Variants in PKIG observed in about 807,000 individuals in gnomAD.
PKIG encodes the protein protein kinase (cAMP-dependent, catalytic) inhibitor gamma.
PKIG carries 1 observed loss-of-function variant against 6.8 expected under a neutral mutation model. That is an observed-to-expected ratio of 0.15 (90% CI 0.05 to 0.69). The LOEUF is 0.69. Among genes scored for constraint, PKIG ranks in the 30% least tolerant of loss-of-function variants. The probability of loss-of-function intolerance (pLI) is 0.82; values close to 1 mark genes in which losing one functional copy is unlikely to be tolerated. For synonymous variants in PKIG, 39 were observed against 43.0 expected (o/e 0.91, Z 0.36); for missense variants, 77 against 104.0 (o/e 0.74, Z 1.13).
intron 3 of PKIG, among the ~76,000 whole-genome samples, chr20:44,616,143 C>A (rs1274371698): frequency 6.6e-6 from 1 of 152,192 alleles, no homozygotes; most frequent in African/African-American, 2.4e-5. Flanking sequence ...TCTCCCCTCC[C>A]TCCCCTTGCC....
At chr20:44,542,298 T>C (rs538249671) in intron 1 of PKIG, among the ~76,000 whole-genome samples, 2 of 152,270 alleles carry the variant, frequency 1.3e-5, no homozygotes, top group African/African-American at 4.8e-5. Flanking sequence ...TTAATTGTTA[T>C]AAAGCTTGGC....
rs765324293 is a variant in PKIG at position 44,618,523 on chromosome 20, C to T, written c.*159C>T. 5.2e-5 allele frequency: 31 copies of T among 600,190 alleles called. No homozygotes were observed. Among genetic ancestry groups the T allele is most frequent in the Non-Finnish European group, 8.4e-5 (28 of 334,526 alleles). 37.2% of individuals were successfully genotyped at this position (600,190 alleles called of 1,614,324 possible). On this transcript the variant is annotated 3_prime_UTR_variant, in exon 4 of 4. Coordinates refer to ENST00000372886, the MANE Select transcript of PKIG (RefSeq NM_001281445.2). ...CCAGAGGCCTCTGTGGCCTCCACTC[C>T]GGGAAAGCCCTCTGCCCACACCCAC...
intron 1 of PKIG, among the ~76,000 whole-genome samples, chr20:44,588,839 T>C (rs1163934412): frequency 6.6e-6 from 1 of 152,226 alleles, no homozygotes; most frequent in Non-Finnish European, 1.5e-5. Context: ...TGTTTGAAAA[T>C]ATCTTTTGCC....
chr20:44,558,169 A>G (rs917208463), intron 1 of PKIG, among the ~76,000 whole-genome samples: 1 of 152,216 alleles, frequency 6.6e-6, no homozygotes, highest in Admixed American at 6.5e-5. Context: ...CTATTCTAAT[A>G]TACGGAGAGG....
chr20:44,616,482 G>A (rs1206910218), intron 3 of PKIG, among the ~76,000 whole-genome samples: 10 of 152,210 alleles, frequency 6.6e-5, no homozygotes, highest in Admixed American at 3.3e-4. Flanking sequence ...CTCACCCTCA[G>A]CTCTGGTGAG....
intron 2 of PKIG, among the ~76,000 whole-genome samples, chr20:44,604,395 C>T (rs916884385): frequency 3.3e-5 from 5 of 152,082 alleles, no homozygotes; most frequent in Non-Finnish European, 7.4e-5. Flanking sequence ...GTCTGCAGCT[C>T]AGCAATGAGG....
chr20:44,596,251 C>T (rs1413105619), intron 2 of PKIG, among the ~76,000 whole-genome samples: 2 of 152,224 alleles, frequency 1.3e-5, no homozygotes, highest in African/African-American at 4.8e-5. Context: ...TGAATTTCGA[C>T]TGAGTCATTA....
chr20:44,545,706 T>C (rs544317051), intron 1 of PKIG, among the ~76,000 whole-genome samples: 7 of 152,148 alleles, frequency 4.6e-5, no homozygotes, highest in Middle Eastern at 3.4e-3. Context: ...TCCTAGCTAC[T>C]TGGGAGGCTG....
intron 1 of PKIG, among the ~76,000 whole-genome samples, chr20:44,558,276 A>C (rs1461686597): frequency 6.6e-6 from 1 of 152,224 alleles, no homozygotes; most frequent in East Asian, 1.9e-4. Flanking sequence ...TTTTACATAC[A>C]TAGCTTCCTT....
intron 1 of PKIG, among the ~76,000 whole-genome samples, chr20:44,584,055 T>C (rs527742225): frequency 1.4e-4 from 21 of 152,328 alleles, no homozygotes; most frequent in African/African-American, 4.1e-4. Context: ...ATTGGCATTA[T>C]TGAGTATCTC....
At chr20:44,607,841 C>T (rs1041492853) in intron 2 of PKIG, among the ~76,000 whole-genome samples, 12 of 151,856 alleles carry the variant, frequency 7.9e-5, no homozygotes, top group African/African-American at 2.7e-4. Flanking sequence ...CCCACTACCA[C>T]GCCCAGCTAA....
chr20:44,604,139 C>T (rs2123439143), intron 2 of PKIG, among the ~76,000 whole-genome samples: 1 of 152,256 alleles, frequency 6.6e-6, no homozygotes, highest in South Asian at 2.1e-4. Flanking sequence ...GCCATGATTA[C>T]TGCATGGAGA....
chr20:44,567,826 C>A (rs1600858240), intron 1 of PKIG, among the ~76,000 whole-genome samples: 1 of 152,298 alleles, frequency 6.6e-6, no homozygotes, highest in East Asian at 1.9e-4. Flanking sequence ...TTTTAATGGC[C>A]AGACAATGTG....
At chr20:44,567,554 T>G (rs2064820634) in intron 1 of PKIG, among the ~76,000 whole-genome samples, 1 of 152,256 alleles carries the variant, frequency 6.6e-6, no homozygotes, top group South Asian at 2.1e-4. Context: ...ATTCCTATCA[T>G]CAGGTGGCGT....
intron 2 of PKIG, among the ~76,000 whole-genome samples, chr20:44,606,846 C>T (rs554281390): frequency 6.6e-6 from 1 of 152,252 alleles, no homozygotes; most frequent in Admixed American, 6.5e-5. Flanking sequence ...TGAGTTTGCC[C>T]CTTTTTGCCT....
intron 1 of PKIG, among the ~76,000 whole-genome samples, chr20:44,560,030 G>A (rs113499185): frequency 0.018 from 2,673 of 150,200 alleles, 87 homozygotes; most frequent in African/African-American, 0.063. Flanking sequence ...TTTTTTTCAT[G>A]GGCAAAACCC....
intron 1 of PKIG, among the ~76,000 whole-genome samples, chr20:44,573,831 C>T (rs2064873662): frequency 6.6e-6 from 1 of 152,208 alleles, no homozygotes; most frequent in Admixed American, 6.5e-5. Flanking sequence ...TGGATATATT[C>T]ACTCTGGGTG....
intron 3 of PKIG, among the ~76,000 whole-genome samples, chr20:44,617,633 G>T (rs2065278118): frequency 6.6e-6 from 1 of 152,080 alleles, no homozygotes; most frequent in African/African-American, 2.4e-5. Context: ...TGACAGGATG[G>T]ATTTGAGAAG....
At chr20:44,551,518 AG>A (rs1447725754) in intron 1 of PKIG, among the ~76,000 whole-genome samples, 2 of 152,228 alleles carry the variant, frequency 1.3e-5, no homozygotes, top group Admixed American at 6.5e-5. Context: ...AGCAGAGTAA[AG>A]GGACAATTTT....
Sources: gnomAD v4.1 joint callset for allele counts (sites outside exome capture counted in the v4.1 genomes callset) on GRCh38, gnomAD v4.1.1 for gene constraint, MANE v1.5 for transcripts, NCBI Gene and HGNC (gene_info 2026-07-23, HGNC 2026-07-21) for gene names.